The following CRLS1 variants were observed in gnomAD, a reference collection of about 807,000 sequenced individuals.
CRLS1 encodes the protein cardiolipin synthase (CMP-forming).
CRLS1 carries 24 observed loss-of-function variants against 37.0 expected under a neutral mutation model. The observed-to-expected ratio is 0.65, with a 90% CI of 0.47 to 0.91. CRLS1 has a LOEUF of 0.91. Among genes scored for constraint, CRLS1 ranks in the 40% least tolerant of loss-of-function variants. CRLS1 has a pLI of 0.00. For synonymous variants in CRLS1, 135 were observed against 159.7 expected (o/e 0.85, Z 1.17); for missense variants, 373 against 395.8 (o/e 0.94, Z 0.49).
intron 3 of CRLS1, among the ~76,000 whole-genome samples, chr20:6,020,504 C>G (rs917417734): frequency 3.9e-5 from 6 of 152,090 alleles, no homozygotes; most frequent in Admixed American, 2.0e-4. Context: ...GCCTTTCAGC[C>G]CACTACTGTC....
chr20:6,006,818 A>G (rs903985289), intron 1 of CRLS1: 1 of 985,312 alleles, frequency 1.0e-6, no homozygotes, highest in Non-Finnish European at 1.2e-6. Flanking sequence ...CCGCCTCTGC[A>G]TATTGCATTG....
rs1482180104 is a variant in CRLS1, at chr20:6,039,324, C to T, written c.*2166C>T. On this transcript the variant is annotated 3_prime_UTR_variant, in exon 7 of 7. Transcript: ENST00000378863. ...GTGTGTATTTTGTTTTTTTTACAAG[C>T]CCACAACATCATAGCTTTGCAGTTT... The T allele has an allele frequency of 1.3e-5, 2 of 151,114 alleles. No individual in the cohort carries two copies. Among genetic ancestry groups the T allele is most frequent in the East Asian group, 3.9e-4 (2 of 5,162 alleles). The allele number at this position is 151,114 out of a possible 1,614,324, so 9.4% of individuals were successfully genotyped here. A position where few individuals can be genotyped will look rare whatever the true frequency, so the allele number is the denominator to read the frequency against.
At chr20:6,007,552 C>A in intron 1 of CRLS1, 1 of 804,562 alleles carries the variant, frequency 1.2e-6, no homozygotes. Flanking sequence ...ACTGTTCCAG[C>A]AACATTGAGT....
intron 5 of CRLS1, among the ~76,000 whole-genome samples, chr20:6,032,419 G>A (rs1980239295): frequency 6.7e-6 from 1 of 150,268 alleles, no homozygotes; most frequent in Non-Finnish European, 1.5e-5. Flanking sequence ...GGCTGGTATG[G>A]AACTCCTGGC....
chr20:6,010,021 A>AAG (rs2090112216), intron 2 of CRLS1, 109 bp downstream of exon 2: 1 of 1,112,372 alleles, frequency 9.0e-7, no homozygotes, highest in Non-Finnish European at 1.2e-6. Context: ...GAAAACCTCA[A>AAG]GATGAATTTG....
chr20:6,015,858 C>T lies in CRLS1; in HGVS notation c.574+368C>T, dbSNP rs57714298. ...CTACGTTTATTATCTTTATTAATAT[C>T]GTTTAATCATAAGTGAGAACTCTGA... On this transcript the variant is annotated intron_variant, in intron 3 of 6. Transcript: ENST00000378863. 2,433 of 248,338 alleles carry T rather than the reference C, an allele frequency of 9.8e-3. 59 individuals are homozygous for T. Among genetic ancestry groups the T allele is most frequent in the African/African-American group, 0.052 (2,267 of 43,562 alleles). 15.4% of individuals were successfully genotyped at this position (248,338 alleles called of 1,614,324 possible).
intron 5 of CRLS1, among the ~76,000 whole-genome samples, chr20:6,033,785 T>C (rs1034450658): frequency 1.3e-5 from 2 of 152,112 alleles, no homozygotes; most frequent in Non-Finnish European, 2.9e-5. Context: ...GCTCAAAATA[T>C]CCTACCACCT....
chr20:6,031,841 C>A (rs534960831), intron 4 of CRLS1, among the ~76,000 whole-genome samples, 171 bp from the exon 5 acceptor site: 35 of 152,164 alleles, frequency 2.3e-4, no homozygotes, highest in Middle Eastern at 3.4e-3. Context: ...TCGAATTTTA[C>A]AGCAATTGAA....
intron 6 of CRLS1, among the ~76,000 whole-genome samples, chr20:6,036,752 G>A (rs1181727793): frequency 1.3e-5 from 2 of 152,172 alleles, no homozygotes; most frequent in Non-Finnish European, 2.9e-5. Context: ...TCCTTCTGGA[G>A]GATGAGTTCG....
chr20:6,023,691 G>A (rs527382418), intron 3 of CRLS1, among the ~76,000 whole-genome samples: 17 of 136,756 alleles, frequency 1.2e-4, no homozygotes, highest in South Asian at 9.1e-4. Flanking sequence ...CCCACCTTCC[G>A]TTGAATTTTT....
chr20:6,027,785 C>G (rs1033066838), intron 3 of CRLS1, among the ~76,000 whole-genome samples: 2 of 152,172 alleles, frequency 1.3e-5, no homozygotes, highest in Admixed American at 1.3e-4. Context: ...TCCCCCCAAT[C>G]ATTAAAAAAT....
chr20:6,014,562 A>G (rs550028536), intron 2 of CRLS1, among the ~76,000 whole-genome samples: 1 of 152,338 alleles, frequency 6.6e-6, no homozygotes, highest in East Asian at 1.9e-4. Flanking sequence ...GTTTAATGTG[A>G]ATAGACAGTA....
chr20:6,011,554 CCTT>C (rs138125616), intron 2 of CRLS1, among the ~76,000 whole-genome samples: 1,423 of 107,716 alleles, frequency 0.013, 31 homozygotes, highest in African/African-American at 0.046. Flanking sequence ...CAATCTTTCT[CCTT>C]TTCTTTTGTC....
At chr20:6,031,073 CT>C in intron 3 of CRLS1, 1 of 440,380 alleles carries the variant, frequency 2.3e-6, no homozygotes, top group Admixed American at 4.3e-5. Flanking sequence ...ATAGTCTGTA[CT>C]TCACTTTGTT....
At chr20:6,009,322 CAAAAAA>C (rs60724010) in intron 1 of CRLS1, among the ~76,000 whole-genome samples, 1 of 137,944 alleles carries the variant, frequency 7.2e-6, no homozygotes, top group Non-Finnish European at 1.6e-5. Context: ...GACTCCATCT[CAAAAAA>C]AAAAAAAAAA....
chr20:6,022,225 T>C (rs1265848776), intron 3 of CRLS1, among the ~76,000 whole-genome samples: 1 of 152,186 alleles, frequency 6.6e-6, no homozygotes, highest in East Asian at 1.9e-4. Context: ...AGAATATTTT[T>C]GTTATGTATA....
Position 6,015,345 on chromosome 20 carries a change from A to T in CRLS1, c.445-16A>T. ...TTATGACATTTATATATATAAAAAA[A>T]AACTTCTATTTTCAGTTGGATGGAT... On this transcript the variant is annotated splice_polypyrimidine_tract_variant and intron_variant, in intron 2 of 6. Transcript: ENST00000378863. The T allele has an allele frequency of 1.3e-6, 2 of 1,532,702 alleles. No homozygotes were observed. Among genetic ancestry groups the T allele is most frequent in the Non-Finnish European group, 1.8e-6 (2 of 1,134,662 alleles). 94.9% of individuals were successfully genotyped at this position (1,532,702 alleles called of 1,614,324 possible).
upstream of CRLS1, chr20:6,005,990 T>TGC: frequency 3.1e-6 from 1 of 323,096 alleles, no homozygotes; most frequent in Non-Finnish European, 5.6e-6. Context: ...CTGAGCCTGA[T>TGC]GCGCGCGCCT....
intron 2 of CRLS1, among the ~76,000 whole-genome samples, chr20:6,014,377 A>G (rs1156581511): frequency 6.6e-6 from 1 of 152,218 alleles, no homozygotes; most frequent in Non-Finnish European, 1.5e-5. Context: ...TCATTGGAAT[A>G]CTTGAGATAT....
Sources: gnomAD v4.1 joint callset for allele counts (sites outside exome capture counted in the v4.1 genomes callset) on GRCh38, gnomAD v4.1.1 for gene constraint, MANE v1.5 for transcripts, NCBI Gene and HGNC (gene_info 2026-07-23, HGNC 2026-07-21) for gene names.